IGSF11: variants seen among roughly 807,000 people sequenced by gnomAD.
The protein encoded by IGSF11 is immunoglobulin superfamily member 11.
In IGSF11, 22 loss-of-function variants were observed where a neutral mutation model predicts 41.0. The ratio of observed to expected loss-of-function variants is 0.54; its 90% CI spans 0.38 to 0.77. The LOEUF (loss-of-function observed/expected upper bound fraction) is 0.77. Ranked by LOEUF, IGSF11 falls within the 30% of genes least tolerant of loss-of-function variation. The pLI is 0.00. For missense variants in IGSF11, 444 were observed against 530.8 expected, an observed-to-expected ratio of 0.84 and a Z score of 1.61; for synonymous variants, 219 against 201.3, an observed-to-expected ratio of 1.09 and a Z score of -0.74.
chr3:118,930,177 C>T lies in IGSF11; in HGVS notation c.151G>A (p.Ala51Thr), dbSNP rs771831793. 6.2e-7 allele frequency: 1 copy of T among 1,614,020 alleles called. No homozygotes were observed. The highest frequency in any genetic ancestry group is 1.1e-5 in the South Asian group (1 of 91,056). ...VLPCTFTTSA[A>T]LINLNVIWMV... The stretch of plus-strand genomic sequence containing the variant: ...CAAATGACATTGAGGTTAATGAGGG[C>T]AGCGCTGGTAGTGAAAGTGCAGGGC... Residue 51 changes from alanine to threonine, a missense_variant, in exon 2 of 7, where the codon GCC becomes ACC. Ala to Thr is a moderately conservative substitution (Grantham distance 58, BLOSUM62 0). Transcript: ENST00000393775.
At position 118,902,241 on chromosome 3, in the gene IGSF11, T is replaced by C. The variant is rs1938953426; in HGVS notation, c.*279A>G. On this transcript the variant is annotated 3_prime_UTR_variant, in exon 7 of 7. Coordinates refer to ENST00000393775, the MANE Select transcript of IGSF11 (RefSeq NM_001015887.3). Reference sequence around the variant, plus strand: ...TCTGGGCGGCAGTTTGGATTTTAAGTACTATTCTGCTCTTGTATCTTTTTC... The same window carrying C: ...TCTGGGCGGCAGTTTGGATTTTAAGCACTATTCTGCTCTTGTATCTTTTTC... The C allele has an allele frequency of 1.7e-5, 6 of 344,952 alleles. No individual in the cohort carries two copies. In the East Asian group the frequency reaches 3.0e-4, roughly 17 times the overall value. The allele number at this position is 344,952 out of a possible 1,614,324, so 21.4% of individuals were successfully genotyped here.
intron 4 of IGSF11, among the ~76,000 whole-genome samples, chr3:118,921,047 A>G (rs147163951): frequency 1.2e-4 from 18 of 152,212 alleles, no homozygotes; most frequent in African/African-American, 4.1e-4. Context: ...TTCCTTCATT[A>G]TCTTTAAATA....
At chr3:119,005,890 C>A (rs1937452977) in intron 1 of IGSF11, among the ~76,000 whole-genome samples, 1 of 135,782 alleles carries the variant, frequency 7.4e-6, no homozygotes, top group African/African-American at 3.2e-5. Flanking sequence ...TCTGGCTGCC[C>A]TTAACACTTT....
chr3:119,094,267 GTAAA>G (rs1018992024), intron 1 of IGSF11, among the ~76,000 whole-genome samples: 11 of 85,626 alleles, frequency 1.3e-4, no homozygotes, highest in African/African-American at 4.3e-4. Context: ...TGTTCAATTA[GTAAA>G]TAAATATTAC....
intron 2 of IGSF11, 39 bp downstream of exon 2, chr3:118,930,073 T>C: frequency 6.3e-7 from 1 of 1,579,772 alleles, no homozygotes; most frequent in African/African-American, 1.4e-5. Flanking sequence ...TCTGAAAAGA[T>C]TAACCTTTTA....
chr3:119,026,210 TAAAG>T (rs1939808324), intron 1 of IGSF11, among the ~76,000 whole-genome samples: 1 of 152,200 alleles, frequency 6.6e-6, no homozygotes, highest in Admixed American at 6.5e-5. Flanking sequence ...TAATACAAAA[TAAAG>T]AATTTCAAAT....
At chr3:118,903,519 T>C (rs759641990) in intron 6 of IGSF11, among the ~76,000 whole-genome samples, 16 of 152,132 alleles carry the variant, frequency 1.1e-4, no homozygotes, top group Non-Finnish European at 1.6e-4. Flanking sequence ...GTTGGCCTGA[T>C]TGTATTACCC....
intron 4 of IGSF11, among the ~76,000 whole-genome samples, chr3:118,910,287 T>G (rs1164104352): frequency 6.6e-6 from 1 of 152,216 alleles, no homozygotes; most frequent in Non-Finnish European, 1.5e-5. Context: ...TCAAGCAAAC[T>G]TCTACAAATT....
At chr3:119,141,890 G>A (rs561929891) in intron 1 of IGSF11, among the ~76,000 whole-genome samples, 183 of 151,988 alleles carry the variant, frequency 1.2e-3, no homozygotes, top group Non-Finnish European at 2.1e-3. Context: ...TGGCATCTGG[G>A]TAAAAAGACT....
chr3:119,028,794 C>T (rs1483082171), intron 1 of IGSF11, among the ~76,000 whole-genome samples: 3 of 151,762 alleles, frequency 2.0e-5, no homozygotes, highest in Non-Finnish European at 2.9e-5. Context: ...ATAGTCACAC[C>T]AAATCCCTAA....
intron 1 of IGSF11, among the ~76,000 whole-genome samples, chr3:119,014,896 T>G (rs1442412899): frequency 6.6e-6 from 1 of 152,176 alleles, no homozygotes; most frequent in African/African-American, 2.4e-5. Flanking sequence ...ACATTAAACC[T>G]TCAGAAGCAA....
intron 1 of IGSF11, among the ~76,000 whole-genome samples, chr3:118,970,543 C>A (rs546363938): frequency 6.6e-6 from 1 of 152,218 alleles, no homozygotes; most frequent in East Asian, 1.9e-4. Flanking sequence ...AGAATCCTGG[C>A]ATTATCAAAA....
chr3:119,051,146 T>C (rs985294937), intron 1 of IGSF11, among the ~76,000 whole-genome samples: 1 of 149,582 alleles, frequency 6.7e-6, no homozygotes, highest in East Asian at 2.0e-4. Context: ...TAAAGTATAA[T>C]AATAATTAAT....
rs1322104941 is a variant in IGSF11 at position 118,916,490 on chromosome 3, A to G, written c.580+9611T>C. Among the ~76,000 whole-genome samples the G allele has an allele frequency of 3.3e-5, 5 of 151,988 alleles. No homozygotes were observed. The East Asian group carries it at 9.7e-4, about 29-fold the overall frequency. The stretch of plus-strand genomic sequence containing the variant: ...TGATAAAACAGACTTTAAACCAACA[A>G]AGATCAAAAGAGACAATGAAGGCCA... On this transcript the variant is annotated intron_variant, in intron 4 of 6. Coordinates refer to ENST00000393775, the MANE Select transcript of IGSF11 (RefSeq NM_001015887.3).
intron 1 of IGSF11, among the ~76,000 whole-genome samples, chr3:119,062,714 T>C (rs1942092613): frequency 6.6e-6 from 1 of 152,218 alleles, no homozygotes; most frequent in Non-Finnish European, 1.5e-5. Context: ...TTCTGGGTCC[T>C]ATATTGATTG....
chr3:119,063,041 A>G (rs1576751756), intron 1 of IGSF11, among the ~76,000 whole-genome samples: 3 of 152,290 alleles, frequency 2.0e-5, no homozygotes, highest in East Asian at 3.9e-4. Flanking sequence ...AGGGTTTTAC[A>G]GTGTTTTTTG....
At chr3:118,960,842 T>C (rs1945291459) in intron 1 of IGSF11, among the ~76,000 whole-genome samples, 2 of 152,218 alleles carry the variant, frequency 1.3e-5, no homozygotes, top group South Asian at 4.1e-4. Context: ...AAAATGCAGC[T>C]TCTTTCATTT....
chr3:119,051,440 A>C (rs182706869), intron 1 of IGSF11, among the ~76,000 whole-genome samples: 9 of 152,300 alleles, frequency 5.9e-5, no homozygotes. Context: ...AATTCTAAAT[A>C]TACATGCACC....
chr3:118,908,977 A>G (rs1250281784), intron 4 of IGSF11, among the ~76,000 whole-genome samples: 4 of 152,222 alleles, frequency 2.6e-5, no homozygotes, highest in African/African-American at 9.6e-5. Flanking sequence ...CAAAGTGCCT[A>G]CAAACTGTAG....
Sources: allele counts gnomAD v4.1 joint callset (sites outside exome capture counted in the v4.1 genomes callset), GRCh38; gene constraint gnomAD v4.1.1; transcripts MANE v1.5; gene names NCBI Gene and HGNC (gene_info 2026-07-23, HGNC 2026-07-21).